PEX14: variants seen among roughly 807,000 people sequenced by gnomAD.
The protein encoded by PEX14 is peroxisomal biogenesis factor 14, also known as peroxisomal membrane protein PEX14.
PEX14 carries 15 observed loss-of-function variants against 49.5 expected under a neutral mutation model. That is an observed-to-expected ratio of 0.30 (90% confidence interval 0.20 to 0.47). PEX14 has a LOEUF of 0.47. Ranked by LOEUF, PEX14 falls within the 20% of genes least tolerant of loss-of-function variation. The probability of loss-of-function intolerance (pLI) is 1.00; values close to 1 mark genes in which losing one functional copy is unlikely to be tolerated. For missense variants in PEX14, 398 were observed against 494.8 expected (o/e 0.80, Z 1.86); for synonymous variants, 210 against 212.7 (o/e 0.99, Z 0.11).
At chr1:10,569,862 C>T (rs1448283344) in intron 3 of PEX14, among the ~76,000 whole-genome samples, 2 of 152,184 alleles carry the variant, frequency 1.3e-5, no homozygotes, top group Non-Finnish European at 2.9e-5. Context: ...TTATTTCCCT[C>T]TGAAAGCTTT....
rs76387807 is a variant in PEX14 at position 10,618,300 on chromosome 1, T to A, written c.299-32T>A. 9.6e-4 allele frequency: 1,521 copies of A among 1,587,292 alleles called. 15 individuals are homozygous for A. The African/African-American group carries it at 0.017, about 18-fold the overall frequency. On this transcript the variant is annotated intron_variant, in intron 4 of 8. Transcript: ENST00000356607. Reference sequence around the variant, plus strand: ...CACCCGAAGAAGGACGCCATGTGCGTCTTCTAACCCTCCTCCTCTTCCCGC... The same window carrying A: ...CACCCGAAGAAGGACGCCATGTGCGACTTCTAACCCTCCTCCTCTTCCCGC...
intron 4 of PEX14, among the ~76,000 whole-genome samples, chr1:10,614,121 G>A (rs1016076916): frequency 6.6e-6 from 1 of 152,202 alleles, no homozygotes; most frequent in Non-Finnish European, 1.5e-5. Context: ...GTTTGAGCTA[G>A]TGTGGACTGT....
intron 3 of PEX14, among the ~76,000 whole-genome samples, chr1:10,576,182 T>G (rs1640110921): frequency 2.6e-5 from 4 of 152,166 alleles, no homozygotes; most frequent in Admixed American, 2.6e-4. Context: ...GCCTTTTATA[T>G]TTTTTAATAT....
chr1:10,598,555 G>A lies in PEX14; in HGVS notation c.170-683G>A, dbSNP rs957391284. On this transcript the variant is annotated intron_variant, in intron 3 of 8. Coordinates refer to ENST00000356607, the MANE Select transcript of PEX14 (RefSeq NM_004565.3). The stretch of plus-strand genomic sequence containing the variant: ...CATGTATGGTGTGGTTTAGAGTGTC[G>A]GGAGGATTTCAAGAAGGGAAAAGAA... 1.2e-4 allele frequency among the ~76,000 whole-genome samples: 19 copies of A among 152,220 alleles called. 1 individual carries two copies. The highest frequency in any genetic ancestry group is 4.1e-4 in the South Asian group (2 of 4,832).
At chr1:10,564,532 C>T (rs1258528146) in intron 3 of PEX14, among the ~76,000 whole-genome samples, 4 of 151,364 alleles carry the variant, frequency 2.6e-5, no homozygotes, top group Non-Finnish European at 4.4e-5. Flanking sequence ...CTACCTTAGT[C>T]TCCCAAGTAA....
intron 3 of PEX14, among the ~76,000 whole-genome samples, chr1:10,552,679 G>A (rs944798879): frequency 1.3e-5 from 2 of 152,198 alleles, no homozygotes; most frequent in South Asian, 4.1e-4. Flanking sequence ...TTGTAGTTTA[G>A]TGGGGTTCCA....
At chr1:10,610,487 T>TC (rs1341858823) in intron 4 of PEX14, among the ~76,000 whole-genome samples, 11 of 151,838 alleles carry the variant, frequency 7.2e-5, no homozygotes, top group African/African-American at 2.7e-4. Flanking sequence ...TTTTCGTTTT[T>TC]CTTTTTTTTT....
chr1:10,541,826 C>T (rs1027084466), intron 3 of PEX14, among the ~76,000 whole-genome samples: 1 of 152,198 alleles, frequency 6.6e-6, no homozygotes, highest in East Asian at 1.9e-4. Context: ...CAGAGATGCC[C>T]TGGCTTCCCC....
chr1:10,482,133 A>G (rs1056493667), intron 1 of PEX14, among the ~76,000 whole-genome samples: 1 of 145,282 alleles, frequency 6.9e-6, no homozygotes, highest in East Asian at 2.1e-4. Flanking sequence ...CCACCATTCT[A>G]CTTTTTGTTT....
chr1:10,504,863 T>G (rs1433461603), intron 2 of PEX14, among the ~76,000 whole-genome samples: 1 of 145,858 alleles, frequency 6.9e-6, no homozygotes, highest in Non-Finnish European at 1.5e-5. Context: ...CTTGGCTCAC[T>G]GCAACCTCCG....
intron 3 of PEX14, among the ~76,000 whole-genome samples, chr1:10,560,351 C>T (rs2124527825): frequency 6.6e-6 from 1 of 152,248 alleles, no homozygotes; most frequent in East Asian, 1.9e-4. Context: ...GCCACCATGC[C>T]CGGCCTTCCA....
intron 3 of PEX14, among the ~76,000 whole-genome samples, chr1:10,581,400 G>A (rs1443169069): frequency 6.7e-6 from 1 of 148,946 alleles, no homozygotes; most frequent in Non-Finnish European, 1.5e-5. Flanking sequence ...TGTGTCTCCT[G>A]GTTTCAAGCA....
intron 3 of PEX14, among the ~76,000 whole-genome samples, chr1:10,581,111 G>T (rs1640303419): frequency 6.6e-6 from 1 of 152,046 alleles, no homozygotes; most frequent in Non-Finnish European, 1.5e-5. Context: ...TCTCAGGAAG[G>T]GTTCAACCAG....
At chr1:10,625,694 C>G (rs537717402) in intron 7 of PEX14, among the ~76,000 whole-genome samples, 1 of 152,358 alleles carries the variant, frequency 6.6e-6, no homozygotes, top group African/African-American at 2.4e-5. Context: ...CCTGCCTGCT[C>G]TCCTGGGTCA....
At position 10,629,843 on chromosome 1, in the gene PEX14, G is replaced by C; in HGVS notation, c.990G>C (p.Glu330Asp). 6.2e-7 allele frequency: 1 copy of C among 1,607,666 alleles called. No individual in the cohort carries two copies. The highest frequency in any genetic ancestry group is 8.5e-7 in the Non-Finnish European group (1 of 1,174,908). The stretch of plus-strand genomic sequence containing the variant: ...ACAAGGAGGACGAGGAGGATGAGGA[G>C]GATGATGATGTGAGCCATGTGGACG... ...REDKEDEEDE[E>D]DDDVSHVDEE... The change falls in exon 9 of 9, where the codon GAG becomes GAC. Residue 330 changes from glutamate to aspartate, a missense_variant. Coordinates refer to ENST00000356607, the MANE Select transcript of PEX14 (RefSeq NM_004565.3). The surrounding 1 kb of genome is among the most constrained non-coding windows in gnomAD (Gnocchi z 8.5).
At chr1:10,489,355 T>TA (rs1641430526) in intron 1 of PEX14, among the ~76,000 whole-genome samples, 1 of 152,218 alleles carries the variant, frequency 6.6e-6, no homozygotes, top group Non-Finnish European at 1.5e-5. Context: ...TTGTGGTCTT[T>TA]AAAGAGTGCT....
chr1:10,619,385 C>T (rs1408898321), intron 5 of PEX14, among the ~76,000 whole-genome samples: 1 of 149,678 alleles, frequency 6.7e-6, no homozygotes, highest in Non-Finnish European at 1.5e-5. Flanking sequence ...GGCATGATCT[C>T]GGCTCACTGC....
intron 3 of PEX14, among the ~76,000 whole-genome samples, chr1:10,556,076 G>A (rs576991286): frequency 1.9e-4 from 29 of 152,270 alleles, no homozygotes; most frequent in African/African-American, 6.7e-4. Flanking sequence ...CCAGAGGCCT[G>A]CCACTGAAAC....
intron 5 of PEX14, among the ~76,000 whole-genome samples, 180 bp from the exon 6 acceptor site, chr1:10,622,839 T>G (rs948682714): frequency 6.6e-6 from 1 of 152,252 alleles, no homozygotes; most frequent in Non-Finnish European, 1.5e-5. Flanking sequence ...GGCAGAATTT[T>G]TACGTGGTTG....
Sources: gnomAD v4.1 joint callset for allele counts (sites outside exome capture counted in the v4.1 genomes callset) on GRCh38, gnomAD v4.1.1 for gene constraint, Gnocchi (gnomAD v3.1) non-coding constraint, MANE v1.5 for transcripts, NCBI Gene and HGNC (gene_info 2026-07-23, HGNC 2026-07-21) for gene names.